AIDA: variants seen among roughly 807,000 people sequenced by gnomAD.
AIDA encodes the protein axin interactor, dorsalization-associated protein.
In AIDA, 18 loss-of-function variants were observed where a neutral mutation model predicts 42.7. The ratio of observed to expected loss-of-function variants is 0.42; its 90% CI spans 0.29 to 0.63. The LOEUF is 0.63. Among genes scored for constraint, AIDA ranks in the 20% least tolerant of loss-of-function variants. The pLI, the probability that AIDA is intolerant of heterozygous loss-of-function variation, is 0.19. For missense variants in AIDA, 250 were observed against 354.1 expected, an observed-to-expected ratio of 0.71 and a Z score of 2.36; for synonymous variants, 104 against 122.9, an observed-to-expected ratio of 0.85 and a Z score of 1.02.
chr1:222,700,693 T>A (rs1042608125), intron 2 of AIDA, among the ~76,000 whole-genome samples: 5 of 149,808 alleles, frequency 3.3e-5, no homozygotes, highest in Non-Finnish European at 3.0e-5. Context: ...AGGCGGAGCT[T>A]GCAGTGAGCC....
intron 8 of AIDA, among the ~76,000 whole-genome samples, chr1:222,670,940 C>T (rs555599961): frequency 3.3e-5 from 5 of 152,190 alleles, no homozygotes; most frequent in South Asian, 2.1e-4. Flanking sequence ...CAGTTCTGGC[C>T]GGGTGCGGTG....
rs148727898 is a variant in AIDA, at chr1:222,686,066, G to A, written c.460+864C>T. Among the ~76,000 whole-genome samples the A allele has an allele frequency of 1.5e-3, 226 of 152,294 alleles. 6 individuals carry two copies. In the South Asian group the frequency reaches 0.021, roughly 14 times the overall value. On this transcript the variant is annotated intron_variant, in intron 6 of 9. Transcript: ENST00000340020. ...TCCCAGCTACTTGGGAGGCTGAGAT[G>A]CGAGAATTGCTTGAAACCTGGGAGG...
intron 6 of AIDA, among the ~76,000 whole-genome samples, chr1:222,682,517 A>G (rs188643857): frequency 2.0e-5 from 3 of 152,280 alleles, no homozygotes; most frequent in Admixed American, 1.3e-4. Flanking sequence ...TTTTATCCAC[A>G]CTTTTAGGAC....
intron 2 of AIDA, among the ~76,000 whole-genome samples, chr1:222,700,013 C>G (rs1018957433): frequency 6.6e-6 from 1 of 152,150 alleles, no homozygotes; most frequent in Non-Finnish European, 1.5e-5. Flanking sequence ...CCACCTCGGC[C>G]TCCCAAAGTG....
At chr1:222,689,481 G>A (rs138594181) in intron 4 of AIDA, among the ~76,000 whole-genome samples, 1,982 of 34,912 alleles carry the variant, frequency 0.057, 49 homozygotes, top group East Asian at 0.11. Flanking sequence ...GTGTGTGTGT[G>A]TATATATATA....
intron 8 of AIDA, among the ~76,000 whole-genome samples, chr1:222,671,960 TAAAC>T (rs1262045663): frequency 2.0e-5 from 3 of 152,212 alleles, no homozygotes; most frequent in Admixed American, 1.3e-4. Flanking sequence ...TTGAGGAAGT[TAAAC>T]AAATTATTAA....
At chr1:222,674,922 T>C (rs780912018) in intron 7 of AIDA, among the ~76,000 whole-genome samples, 2 of 152,240 alleles carry the variant, frequency 1.3e-5, no homozygotes, top group Non-Finnish European at 2.9e-5. Flanking sequence ...AACATCTTTT[T>C]GTTTTGGTGT....
In AIDA at chr1:222,712,434, A is replaced by C; in HGVS notation, c.-117T>G. 7.0e-7 allele frequency: 1 copy of C among 1,427,860 alleles called. No homozygotes were observed. The highest frequency in any genetic ancestry group is 9.1e-7 in the Non-Finnish European group (1 of 1,093,630). The allele number at this position is 1,427,860 out of a possible 1,614,324, so 88.4% of individuals were successfully genotyped here. On this transcript the variant is annotated 5_prime_UTR_variant, in exon 1 of 10. Transcript: ENST00000340020. Reference sequence around the variant, plus strand: ...AGGGCCAGGAGGAACCGCTACGGCCACCACCGCCACCCGCCGAGGAGCCGC... The same window carrying C: ...AGGGCCAGGAGGAACCGCTACGGCCCCCACCGCCACCCGCCGAGGAGCCGC...
At chr1:222,679,731 C>G (rs889904293) in intron 6 of AIDA, among the ~76,000 whole-genome samples, 1 of 152,190 alleles carries the variant, frequency 6.6e-6, no homozygotes, top group Non-Finnish European at 1.5e-5. Flanking sequence ...TTGGCCATTT[C>G]TTCATTGTCC....
intron 4 of AIDA, among the ~76,000 whole-genome samples, chr1:222,692,335 T>C (rs1393508288): frequency 6.6e-6 from 1 of 152,144 alleles, no homozygotes; most frequent in East Asian, 1.9e-4. Context: ...TGTACCCTAC[T>C]AGTAAAAACT....
intron 6 of AIDA, among the ~76,000 whole-genome samples, chr1:222,685,354 C>T (rs1325801987): frequency 6.6e-6 from 1 of 152,200 alleles, no homozygotes; most frequent in African/African-American, 2.4e-5. Context: ...TGGTTTAGGA[C>T]ACAGGTGCAA....
chr1:222,689,844 T>A (rs747672761), intron 4 of AIDA, among the ~76,000 whole-genome samples: 1 of 151,506 alleles, frequency 6.6e-6, no homozygotes, highest in Non-Finnish European at 1.5e-5. Flanking sequence ...GGCCTTCATA[T>A]CCACTTATCA....
chr1:222,670,336 G>T, intron 8 of AIDA, 86 bp from the exon 9 acceptor site: 1 of 1,041,884 alleles, frequency 9.6e-7, no homozygotes. Context: ...AGAAGCATAT[G>T]AACAGCTACA....
intron 4 of AIDA, among the ~76,000 whole-genome samples, chr1:222,689,520 T>TATATATATACACAC (rs765351898): frequency 4.3e-4 from 25 of 58,100 alleles, no homozygotes; most frequent in Non-Finnish European, 6.4e-4. Flanking sequence ...TATATATATA[T>TATATATATACACAC]ACACACATAC....
At chr1:222,679,738 G>A (rs1266943041) in intron 6 of AIDA, among the ~76,000 whole-genome samples, 1 of 152,126 alleles carries the variant, frequency 6.6e-6, no homozygotes, top group Non-Finnish European at 1.5e-5. Context: ...TTTCTTCATT[G>A]TCCATAGAGC....
chr1:222,678,747 G>A (rs1300028004), intron 6 of AIDA, among the ~76,000 whole-genome samples: 1 of 152,100 alleles, frequency 6.6e-6, no homozygotes, highest in East Asian at 1.9e-4. Flanking sequence ...TAAGACGACA[G>A]GTAATAGAGA....
intron 7 of AIDA, among the ~76,000 whole-genome samples, 157 bp downstream of exon 7, chr1:222,675,939 G>A (rs1323142566): frequency 6.6e-6 from 1 of 152,100 alleles, no homozygotes; most frequent in Non-Finnish European, 1.5e-5. Flanking sequence ...AAGAAGTGAT[G>A]ACCTCTTCCA....
Position 222,687,138 on chromosome 1 carries a change from A to C in AIDA, c.354-102T>G, listed in dbSNP as rs531375429. On this transcript the variant is annotated intron_variant, in intron 5 of 9. Coordinates refer to ENST00000340020, the MANE Select transcript of AIDA (RefSeq NM_022831.4). ...CCCAGGCAAGATGCTGATATAAAAAAATGCTGATAGGCCGGGTGTGGTGGC... is the reference window on the plus strand; with the variant it reads ...CCCAGGCAAGATGCTGATATAAAAACATGCTGATAGGCCGGGTGTGGTGGC... 135 of 1,522,144 alleles carry C rather than the reference A, an allele frequency of 8.9e-5. No homozygotes were observed. The African/African-American group carries it at 1.8e-3, about 20-fold the overall frequency. 94.3% of individuals were successfully genotyped at this position (1,522,144 alleles called of 1,614,324 possible).
rs1308110905 is a variant in AIDA, at chr1:222,676,129, A to G, written c.550T>C (p.Cys184Arg). 1 of 1,611,728 alleles carries G rather than the reference A, an allele frequency of 6.2e-7. No individual in the cohort carries two copies. Among genetic ancestry groups the G allele is most frequent in the Non-Finnish European group, 8.5e-7 (1 of 1,179,136 alleles). ...EKIGLKDAGQ[C>R]IDPYITVSVK... is the part of the protein sequence containing the mutation. ...CTAACTGTAATATAGGGATCGATGC[A>G]CTGCCCAGCATCTTTCAAACCAATT... Residue 184 changes from cysteine to arginine, a missense_variant, in exon 7 of 10, where the codon TGC becomes CGC. Cys to Arg is a radical substitution (Grantham distance 180). Coordinates refer to ENST00000340020, the MANE Select transcript of AIDA (RefSeq NM_022831.4).
Sources: allele counts gnomAD v4.1 joint callset (sites outside exome capture counted in the v4.1 genomes callset), GRCh38; gene constraint gnomAD v4.1.1; transcripts MANE v1.5; gene names NCBI Gene and HGNC (gene_info 2026-07-23, HGNC 2026-07-21).